Variants in RNF212B observed in about 807,000 individuals in gnomAD.
RNF212B encodes E3 ubiquitin-protein ligase RNF212B.
Under a neutral mutation model 55.5 loss-of-function variants are expected in RNF212B, and 52 were observed. The ratio of observed to expected loss-of-function variants is 0.94; its 90% CI spans 0.75 to 1.18. RNF212B has a LOEUF of 1.18. RNF212B is among the 50% of genes most tolerant of loss of function. The probability of loss-of-function intolerance (pLI) is 0.00; values close to 1 mark genes in which losing one functional copy is unlikely to be tolerated. For synonymous variants in RNF212B, 99 were observed against 121.4 expected (o/e 0.82, Z 1.21); for missense variants, 289 against 350.4 (o/e 0.82, Z 1.40).
intron 2 of RNF212B, among the ~76,000 whole-genome samples, chr14:23,207,177 A>T (rs900285996): frequency 6.6e-6 from 1 of 152,220 alleles, no homozygotes; most frequent in Non-Finnish European, 1.5e-5. Context: ...ATCACACAAC[A>T]TACGATTTCT....
In RNF212B at chr14:23,259,944, G is replaced by A; in HGVS notation, c.405G>A (p.Lys135=). 1 of 1,446,354 alleles carries A rather than the reference G, an allele frequency of 6.9e-7. No homozygotes were observed. The highest frequency in any genetic ancestry group is 9.3e-7 in the Non-Finnish European group (1 of 1,070,126). The allele number at this position is 1,446,354 out of a possible 1,614,324, so 89.6% of individuals were successfully genotyped here. The change falls in exon 6 of 15, where the codon AAG becomes AAA. Residue 135 remains lysine, a splice_region_variant and synonymous_variant. Transcript: ENST00000430154. ...GELKKFLAIL[K]ESPSRYQGSR... is the part of the protein sequence containing the mutation. ...TGAAGAAATTTCTAGCCATTCTAAA[G>A]GTGAATGAAATAGATTTTCCTTATT...
intron 2 of RNF212B, among the ~76,000 whole-genome samples, chr14:23,199,493 G>T (rs1200126878): frequency 1.3e-5 from 2 of 152,064 alleles, no homozygotes; most frequent in East Asian, 3.9e-4. Flanking sequence ...TTAGTGATTT[G>T]GGGGCCCCAA....
intron 2 of RNF212B, among the ~76,000 whole-genome samples, chr14:23,210,808 G>A (rs1300794473): frequency 8.8e-6 from 1 of 113,452 alleles, no homozygotes; most frequent in Non-Finnish European, 1.9e-5. Context: ...AATGTAGGAT[G>A]ATAACATTAG....
At chr14:23,239,938 A>C (rs1288918886) in intron 1 of RNF212B, among the ~76,000 whole-genome samples, 2 of 151,778 alleles carry the variant, frequency 1.3e-5, no homozygotes, top group Non-Finnish European at 2.9e-5. Flanking sequence ...TTTTCTAATT[A>C]CAAACTGGCA....
At chr14:23,261,882 G>A (rs963411927) in intron 7 of RNF212B, among the ~76,000 whole-genome samples, 52 of 151,948 alleles carry the variant, frequency 3.4e-4, no homozygotes, top group Admixed American at 5.9e-4. Context: ...GGAGAATGGC[G>A]GGAACCCAGG....
intron 2 of RNF212B, among the ~76,000 whole-genome samples, chr14:23,211,115 G>T (rs1475520806): frequency 3.3e-5 from 5 of 152,016 alleles, no homozygotes; most frequent in African/African-American, 1.2e-4. Context: ...CTACCTGGGA[G>T]GCTGAGGCAG....
chr14:23,227,260 G>T (rs1882119456), intron 2 of RNF212B, among the ~76,000 whole-genome samples: 2 of 150,894 alleles, frequency 1.3e-5, no homozygotes, highest in South Asian at 2.1e-4. Flanking sequence ...AACTTTATTC[G>T]TTGATCAGGG....
chr14:23,258,970 A>G (rs907672037), intron 5 of RNF212B, among the ~76,000 whole-genome samples: 6 of 151,604 alleles, frequency 4.0e-5, no homozygotes, highest in Non-Finnish European at 5.9e-5. Flanking sequence ...AGATCACTTG[A>G]GGCCAGGAGA....
upstream of RNF212B, among the ~76,000 whole-genome samples, chr14:23,233,564 A>C (rs1407153757): frequency 3.2e-5 from 2 of 62,944 alleles, no homozygotes; most frequent in Admixed American, 2.5e-4. Flanking sequence ...CATCTCTACA[A>C]AAAAAAAAAA....
At chr14:23,260,614 A>T (rs1380044255) in intron 6 of RNF212B, 45 bp from the exon 7 acceptor site, 1 of 1,536,626 alleles carries the variant, frequency 6.5e-7, no homozygotes, top group Non-Finnish European at 8.8e-7. Flanking sequence ...GTTGATTAGG[A>T]TCCTCAGTTG....
At chr14:23,226,385 C>T (rs1319176061) in intron 2 of RNF212B, among the ~76,000 whole-genome samples, 2 of 151,834 alleles carry the variant, frequency 1.3e-5, no homozygotes, top group East Asian at 3.9e-4. Context: ...AATCCCAGCA[C>T]TTTAGGAAGC....
intron 2 of RNF212B, among the ~76,000 whole-genome samples, chr14:23,230,663 A>ATC (rs1882536409): frequency 8.7e-5 from 13 of 149,450 alleles, no homozygotes; most frequent in African/African-American, 3.2e-4. Flanking sequence ...CAAAAAAAAA[A>ATC]AAAAAAAAAA....
At chr14:23,210,469 A>G (rs1880376829) in intron 2 of RNF212B, among the ~76,000 whole-genome samples, 1 of 152,198 alleles carries the variant, frequency 6.6e-6, no homozygotes, top group South Asian at 2.1e-4. Context: ...CTCAGTTTTG[A>G]CAAATATCAC....
chr14:23,232,831 GGGGGTGCCTC>G (rs1189662304), intron 2 of RNF212B, among the ~76,000 whole-genome samples: 1 of 110,336 alleles, frequency 9.1e-6, no homozygotes, highest in African/African-American at 2.9e-5. Context: ...TCTGGGAGGT[GGGGGTGCCTC>G]TGCCCAGCTG....
At chr14:23,199,337 A>T (rs1879054722) in intron 2 of RNF212B, among the ~76,000 whole-genome samples, 1 of 152,152 alleles carries the variant, frequency 6.6e-6, no homozygotes, top group African/African-American at 2.4e-5. Context: ...TGATACACAA[A>T]TGGTTACATT....
intron 2 of RNF212B, among the ~76,000 whole-genome samples, chr14:23,198,558 C>T (rs1030665316): frequency 1.3e-5 from 2 of 151,928 alleles, no homozygotes; most frequent in South Asian, 2.1e-4. Flanking sequence ...TACCTGTAAT[C>T]CCAGCCACTA....
At chr14:23,189,528 C>G (rs1019431253) in intron 1 of RNF212B, among the ~76,000 whole-genome samples, 1 of 152,082 alleles carries the variant, frequency 6.6e-6, no homozygotes, top group Non-Finnish European at 1.5e-5. Context: ...ACAGGCCGGA[C>G]TGGGTGGCTC....
At chr14:23,256,806 C>A (rs1205059642) in intron 4 of RNF212B, among the ~76,000 whole-genome samples, 4 of 152,206 alleles carry the variant, frequency 2.6e-5, no homozygotes, top group African/African-American at 9.6e-5. Context: ...CCCACTTCAG[C>A]CTTTCAGGTA....
At chr14:23,190,511 A>G (rs1463988905) in intron 1 of RNF212B, among the ~76,000 whole-genome samples, 1 of 152,192 alleles carries the variant, frequency 6.6e-6, no homozygotes, top group Non-Finnish European at 1.5e-5. Context: ...TTTGTCAGCC[A>G]ATCCCTGTTA....
Sources: gnomAD v4.1 joint callset for allele counts (sites outside exome capture counted in the v4.1 genomes callset) on GRCh38, gnomAD v4.1.1 for gene constraint, MANE v1.5 for transcripts, NCBI Gene and HGNC (gene_info 2026-07-23, HGNC 2026-07-21) for gene names.